The following ATP8B4 variants were observed in gnomAD, a reference collection of about 807,000 sequenced individuals.
The protein encoded by ATP8B4 is ATPase phospholipid transporting 8B4 (putative).
ATP8B4 carries 133 observed loss-of-function variants against 145.6 expected under a neutral mutation model. The ratio of observed to expected loss-of-function variants is 0.91; its 90% CI spans 0.79 to 1.05. ATP8B4 has a LOEUF of 1.05. ATP8B4 is among the 50% of genes least tolerant of loss of function. ATP8B4 has a pLI of 0.00. For missense variants in ATP8B4, 1,458 were observed against 1,425.2 expected (o/e 1.02, Z -0.37); for synonymous variants, 507 against 492.9 (o/e 1.03, Z -0.38).
chr15:50,031,089 A>G (rs2050399515), intron 6 of ATP8B4, among the ~76,000 whole-genome samples: 1 of 152,224 alleles, frequency 6.6e-6, no homozygotes, highest in African/African-American at 2.4e-5. Flanking sequence ...TTGAAGCACT[A>G]TTACTGTAAG....
At chr15:50,111,890 G>A (rs1239084718) in intron 1 of ATP8B4, among the ~76,000 whole-genome samples, 1 of 152,196 alleles carries the variant, frequency 6.6e-6, no homozygotes, top group Non-Finnish European at 1.5e-5. Flanking sequence ...GATAATGGCT[G>A]GGCGGGGTGG....
chr15:50,082,464 CCTTGGGT>C (rs1444359687), intron 2 of ATP8B4, among the ~76,000 whole-genome samples: 3 of 152,118 alleles, frequency 2.0e-5, no homozygotes, highest in African/African-American at 4.8e-5. Flanking sequence ...TACTAAAGGG[CCTTGGGT>C]TTGTTTTTCT....
rs761916821 is a variant in ATP8B4 at position 49,934,051 on chromosome 15, G to A, written c.1419C>T (p.Leu473=). Residue 473 remains leucine, a synonymous_variant, in exon 15 of 28, where the codon CTC becomes CTT. Coordinates refer to ENST00000284509, the MANE Select transcript of ATP8B4 (RefSeq NM_024837.4). ...TCTCTTCTGACATTACAGTGTGGCA[G>A]AGAGCAAGTAACCTAAGGAATTCAT... ...KVHEFLRLLA[L]CHTVMSEENS... is the part of the protein sequence containing the mutation. 1.2e-6 allele frequency: 2 copies of A among 1,612,320 alleles called. No individual in the cohort carries two copies. Among genetic ancestry groups the A allele is most frequent in the South Asian group, 1.1e-5 (1 of 90,936 alleles).
At chr15:50,033,504 A>G (rs2414005) in intron 6 of ATP8B4, among the ~76,000 whole-genome samples, 104,559 of 152,112 alleles carry the variant, frequency 0.69, 38,161 homozygotes, top group East Asian at 0.99. Context: ...GAGAATCCTC[A>G]GCTTTTTAAA....
intron 1 of ATP8B4, among the ~76,000 whole-genome samples, chr15:50,178,092 C>A (rs559541775): frequency 5.9e-5 from 9 of 152,228 alleles, no homozygotes; most frequent in Admixed American, 2.6e-4. Flanking sequence ...TCCTGCAATA[C>A]CTAGAATAGG....
rs1475615214 is a variant in ATP8B4 at position 49,923,359 on chromosome 15, C to G, written c.1758+20G>C. On this transcript the variant is annotated intron_variant, in intron 17 of 27. Coordinates refer to ENST00000284509, the MANE Select transcript of ATP8B4 (RefSeq NM_024837.4). ...ATGGCAAAAGGGCCATTGTGCTAAC[C>G]TTAAGACGGAGGCACTTACACTGAG... The G allele has an allele frequency of 1.9e-6, 3 of 1,553,624 alleles. No homozygotes were observed. Among genetic ancestry groups the G allele is most frequent in the Non-Finnish European group, 2.7e-6 (3 of 1,126,670 alleles).
At chr15:49,905,181 C>G (rs16963042) in intron 20 of ATP8B4, among the ~76,000 whole-genome samples, 54 of 152,096 alleles carry the variant, frequency 3.6e-4, no homozygotes, top group African/African-American at 1.2e-3. Flanking sequence ...AAATTTGAAA[C>G]AAGCCGTATG....
intron 3 of ATP8B4, among the ~76,000 whole-genome samples, chr15:50,054,596 A>T (rs892573366): frequency 5.3e-5 from 8 of 152,052 alleles, no homozygotes; most frequent in African/African-American, 1.7e-4. Context: ...AGCCTGGCTA[A>T]CATGGTGAAA....
chr15:49,994,338 C>G (rs538784349), intron 9 of ATP8B4, among the ~76,000 whole-genome samples: 1 of 152,244 alleles, frequency 6.6e-6, no homozygotes, highest in South Asian at 2.1e-4. Context: ...TTCCCAGTCT[C>G]TTTACGTTAG....
chr15:49,987,824 G>GA (rs67576856), intron 9 of ATP8B4, among the ~76,000 whole-genome samples: 25 of 150,572 alleles, frequency 1.7e-4, no homozygotes, highest in African/African-American at 2.7e-4. Flanking sequence ...CCTTAAAAAA[G>GA]AAAAAAAAAG....
chr15:49,997,018 A>T (rs546293532), intron 8 of ATP8B4, among the ~76,000 whole-genome samples: 4 of 152,312 alleles, frequency 2.6e-5, no homozygotes, highest in South Asian at 4.1e-4. Context: ...AGAACAGAGG[A>T]CATAACAAAT....
chr15:50,132,892 A>G (rs1340038685), intron 1 of ATP8B4, among the ~76,000 whole-genome samples: 1 of 152,172 alleles, frequency 6.6e-6, no homozygotes, highest in East Asian at 1.9e-4. Flanking sequence ...TTCTCATTCA[A>G]AAGTGGGAGT....
intron 7 of ATP8B4, among the ~76,000 whole-genome samples, chr15:50,008,313 G>C (rs2048468436): frequency 6.6e-6 from 1 of 152,154 alleles, no homozygotes; most frequent in African/African-American, 2.4e-5. Flanking sequence ...ACACTCCTAG[G>C]AGAGAGGCGT....
At chr15:49,891,659 C>T (rs2036817729) in intron 23 of ATP8B4, among the ~76,000 whole-genome samples, 1 of 152,100 alleles carries the variant, frequency 6.6e-6, no homozygotes, top group Admixed American at 6.6e-5. Context: ...GATTTATGCA[C>T]TTATTTATTT....
At chr15:49,985,497 C>T (rs192117416) in intron 10 of ATP8B4, among the ~76,000 whole-genome samples, 8 of 152,306 alleles carry the variant, frequency 5.3e-5, no homozygotes, top group East Asian at 3.9e-4. Flanking sequence ...ATCTCCGACA[C>T]GGACGAAGCC....
At chr15:49,880,562 T>C (rs892438944) in intron 23 of ATP8B4, 2 of 152,208 alleles carry the variant, frequency 1.3e-5, no homozygotes, top group African/African-American at 4.8e-5. Context: ...AGGAGCAACC[T>C]GGTCTTATTT....
At chr15:49,903,274 CCCTT>C (rs1483718616) in intron 20 of ATP8B4, among the ~76,000 whole-genome samples, 1 of 152,212 alleles carries the variant, frequency 6.6e-6, no homozygotes, top group Non-Finnish European at 1.5e-5. Context: ...ACACATAACT[CCCTT>C]CAATGACTAT....
At chr15:50,079,649 C>G (rs779641211) in intron 2 of ATP8B4, among the ~76,000 whole-genome samples, 42 of 152,238 alleles carry the variant, frequency 2.8e-4, no homozygotes, top group Non-Finnish European at 5.3e-4. Flanking sequence ...TGTAACAACC[C>G]TAAGGATATT....
intron 20 of ATP8B4, among the ~76,000 whole-genome samples, chr15:49,911,414 A>G (rs2039215487): frequency 6.6e-6 from 1 of 152,136 alleles, no homozygotes; most frequent in African/African-American, 2.4e-5. Context: ...AAAATAGTAA[A>G]AAGAGCCAAA....
Sources: allele counts gnomAD v4.1 joint callset (sites outside exome capture counted in the v4.1 genomes callset), GRCh38; gene constraint gnomAD v4.1.1; transcripts MANE v1.5; gene names NCBI Gene and HGNC (gene_info 2026-07-23, HGNC 2026-07-21).